The following BPHL variants were observed in gnomAD, a reference collection of about 807,000 sequenced individuals.
BPHL encodes the protein serine hydrolase BPHL.
Under a neutral mutation model 31.2 loss-of-function variants are expected in BPHL, and 27 were observed. The ratio of observed to expected loss-of-function variants is 0.87; its 90% confidence interval spans 0.64 to 1.19. BPHL has a LOEUF of 1.19. BPHL is among the 50% of genes most tolerant of loss of function. The pLI is 0.00. For missense variants in BPHL, 356 were observed against 375.7 expected, an observed-to-expected ratio of 0.95 and a Z score of 0.43; for synonymous variants, 150 against 146.8, an observed-to-expected ratio of 1.02 and a Z score of -0.16.
In BPHL at chr6:3,140,160, A is replaced by T; in HGVS notation, c.665-226A>T. 1.8e-6 allele frequency: 1 copy of T among 560,184 alleles called. No individual in the cohort carries two copies. 34.7% of individuals were successfully genotyped at this position (560,184 alleles called of 1,614,324 possible). On this transcript the variant is annotated intron_variant, in intron 5 of 6. Transcript: ENST00000380379. This position sits in a 1 kb window ranked among gnomAD's most constrained non-coding sequence, Gnocchi z 5.2. ...TAAATCAGGCTGCTTATTTACTAGT[A>T]GAACTCAGAAACAGGCAAACAAACA...
rs1390894568 is a variant in BPHL, at chr6:3,145,932, TTGGAGTGCTGGTTCCAGC to T, written c.788+5437_788+5454del. On this transcript the variant is annotated intron_variant, in intron 6 of 6. Coordinates refer to ENST00000380379, the MANE Select transcript of BPHL (RefSeq NM_004332.4). ...GTTTGGGTTGGAGTGCTGGTTCGGG[TTGGAGTGCTGGTTCCAGC>T]TGGAGTGCTGGTTTGGGTCGGAGTG... Among the ~76,000 whole-genome samples, 7 of 54,484 alleles carry T rather than the reference TTGGAGTGCTGGTTCCAGC, an allele frequency of 1.3e-4. 1 individual carries two copies. The highest frequency in any genetic ancestry group is 6.6e-4 in the Admixed American group (4 of 6,036). 35.7% of individuals were successfully genotyped at this position (54,484 alleles called of 152,430 possible). A position where few individuals can be genotyped will look rare whatever the true frequency, so the allele number is the denominator to read the frequency against.
chr6:3,146,434 GAGTGCT>G, intron 6 of BPHL, among the ~76,000 whole-genome samples: 1 of 133,796 alleles, frequency 7.5e-6, no homozygotes, highest in Non-Finnish European at 1.6e-5. Context: ...GTTTGGGTCG[GAGTGCT>G]GGTTTGGGTC....
intron 2 of BPHL, among the ~76,000 whole-genome samples, chr6:3,125,979 G>C (rs3799210): frequency 0.042 from 6,458 of 152,294 alleles, 260 homozygotes; most frequent in African/African-American, 0.1. Flanking sequence ...GGCTCTGTGA[G>C]AGTGGCCTTC....
At chr6:3,119,222 T>C in intron 1 of BPHL, 1 of 1,435,890 alleles carries the variant, frequency 7.0e-7, no homozygotes, top group South Asian at 1.2e-5. Context: ...ATTAGTCCAT[T>C]GCTCTGTCCA....
chr6:3,120,011 A>G (rs2113740823), intron 1 of BPHL, among the ~76,000 whole-genome samples: 1 of 152,238 alleles, frequency 6.6e-6, no homozygotes, highest in East Asian at 1.9e-4. Context: ...AGGCATCGAA[A>G]TAAGTTACTG....
chr6:3,145,332 AG>A (rs1762305885), intron 6 of BPHL, among the ~76,000 whole-genome samples: 1 of 51,494 alleles, frequency 1.9e-5, no homozygotes, highest in Non-Finnish European at 4.3e-5. Flanking sequence ...TTCGGGGTGG[AG>A]TGCTGGTTCG....
chr6:3,145,235 CGGGTGGAGTGCTGGTTCG>C (rs1276015584), intron 6 of BPHL, among the ~76,000 whole-genome samples: 1 of 28,182 alleles, frequency 3.5e-5, no homozygotes, highest in Non-Finnish European at 6.6e-5. Flanking sequence ...AGTGCTGGTT[CGGGTGGAGTGCTGGTTCG>C]GGGTGGAGTG....
chr6:3,143,289 A>G (rs1762229448), intron 6 of BPHL, among the ~76,000 whole-genome samples: 1 of 152,182 alleles, frequency 6.6e-6, no homozygotes, highest in South Asian at 2.1e-4. Flanking sequence ...TTACCAAGAA[A>G]TACAGATTAT....
At position 3,118,721 on chromosome 6, in the gene BPHL, C is replaced by A. The variant is rs1223572721; in HGVS notation, c.-20C>A. The A allele has an allele frequency of 2.4e-6, 3 of 1,256,272 alleles. No individual in the cohort carries two copies. The highest frequency in any genetic ancestry group is 3.0e-6 in the Non-Finnish European group (3 of 996,604). 77.8% of individuals were successfully genotyped at this position (1,256,272 alleles called of 1,614,324 possible). On this transcript the variant is annotated 5_prime_UTR_variant, in exon 1 of 7. Coordinates refer to ENST00000380379, the MANE Select transcript of BPHL (RefSeq NM_004332.4). ...GGTCTTAGCGCATGCGCACTCCCGGCAGCTACGCGACCTGTGACCATGGTG... is the reference window on the plus strand; with the variant it reads ...GGTCTTAGCGCATGCGCACTCCCGGAAGCTACGCGACCTGTGACCATGGTG...
intron 1 of BPHL, 128 bp from the exon 2 acceptor site, chr6:3,123,529 G>A (rs1581460765): frequency 1.5e-6 from 1 of 645,724 alleles, no homozygotes; most frequent in African/African-American, 1.8e-5. Flanking sequence ...CTTATTGTTA[G>A]CCGTAGTCAT....
intron 2 of BPHL, among the ~76,000 whole-genome samples, chr6:3,126,337 AG>A (rs1226030522): frequency 2.6e-5 from 4 of 152,228 alleles, no homozygotes; most frequent in Non-Finnish European, 4.4e-5. Flanking sequence ...GATATTATAG[AG>A]ATCCCTCTCA....
rs900752526 is a variant in BPHL, at chr6:3,149,027, C to T, written c.789-3461C>T. Among the ~76,000 whole-genome samples the T allele has an allele frequency of 1.3e-5, 2 of 152,212 alleles. No homozygotes were observed. The highest frequency in any genetic ancestry group is 4.8e-5 in the African/African-American group (2 of 41,442). On this transcript the variant is annotated intron_variant, in intron 6 of 6. Coordinates refer to ENST00000380379, the MANE Select transcript of BPHL (RefSeq NM_004332.4). The surrounding 1 kb of genome is among the most constrained non-coding windows in gnomAD (Gnocchi z 4.6). ...TAACAGCAGACATTTATTAAGCTTA[C>T]CACGTACCCGCAGACCCTATGCTGC... is the stretch of plus-strand genomic sequence containing the variant.
intron 1 of BPHL, among the ~76,000 whole-genome samples, chr6:3,120,060 ACT>A: frequency 6.6e-6 from 1 of 151,282 alleles, no homozygotes; most frequent in Non-Finnish European, 1.5e-5. Context: ...TTTGAGACTG[ACT>A]CTCGCTCTTT....
chr6:3,123,412 TGTA>T (rs1761626902), intron 1 of BPHL, among the ~76,000 whole-genome samples: 1 of 152,212 alleles, frequency 6.6e-6, no homozygotes, highest in South Asian at 2.1e-4. Flanking sequence ...AGATACAAGG[TGTA>T]GTGATCAGAT....
intron 5 of BPHL, 102 bp downstream of exon 5, chr6:3,137,595 G>A (rs1762049795): frequency 9.4e-6 from 14 of 1,483,044 alleles, no homozygotes; most frequent in East Asian, 4.6e-5. Context: ...TCTGCCCATC[G>A]CCCTCACACG....
chr6:3,124,469 A>T (rs1004413879), intron 2 of BPHL, among the ~76,000 whole-genome samples: 3 of 151,990 alleles, frequency 2.0e-5, no homozygotes, highest in African/African-American at 7.3e-5. Context: ...TTCCTGGGGG[A>T]CTGGATCCAG....
At chr6:3,146,582 A>AGTG (rs1762380230) in intron 6 of BPHL, among the ~76,000 whole-genome samples, 2 of 21,070 alleles carry the variant, frequency 9.5e-5, no homozygotes, top group East Asian at 1.3e-3. Context: ...GGGGTGGAGT[A>AGTG]CTGGTTTGGG....
At chr6:3,129,311 C>CAAT in intron 4 of BPHL, 113 bp downstream of exon 4, 1 of 1,309,886 alleles carries the variant, frequency 7.6e-7, no homozygotes. Flanking sequence ...TTCTAGTTCT[C>CAAT]AACTCTCAGG....
chr6:3,121,769 A>G (rs17136181), intron 1 of BPHL, among the ~76,000 whole-genome samples: 6,581 of 152,256 alleles, frequency 0.043, 449 homozygotes, highest in African/African-American at 0.14. Context: ...CTTATAGTTT[A>G]GTCAGACCTT....
Sources: allele counts gnomAD v4.1 joint callset (sites outside exome capture counted in the v4.1 genomes callset), GRCh38; gene constraint gnomAD v4.1.1; non-coding constraint Gnocchi (gnomAD v3.1); transcripts MANE v1.5; gene names NCBI Gene and HGNC (gene_info 2026-07-23, HGNC 2026-07-21).